OLFM1: variants seen among roughly 807,000 people sequenced by gnomAD.
OLFM1 encodes olfactomedin 1, also known as noelin.
A neutral mutation model predicts 49.7 loss-of-function variants in OLFM1; 9 were observed. That is an observed-to-expected ratio of 0.18 (90% confidence interval 0.11 to 0.32). The LOEUF (loss-of-function observed/expected upper bound fraction) is 0.32. Among genes scored for constraint, OLFM1 ranks in the 10% least tolerant of loss-of-function variants. The pLI is 1.00. For missense variants in OLFM1, 369 were observed against 661.8 expected (o/e 0.56, Z 4.85); for synonymous variants, 240 against 271.8 (o/e 0.88, Z 1.15).
chr9:135,111,939 T>A (rs925039803), intron 5 of OLFM1, among the ~76,000 whole-genome samples: 1 of 152,134 alleles, frequency 6.6e-6, no homozygotes, highest in African/African-American at 2.4e-5. Context: ...ATGATCTCCA[T>A]CTCCTGACCT....
rs528349832 is a variant in OLFM1, at chr9:135,107,444, G to A, written c.783+589G>A. On this transcript the variant is annotated intron_variant, in intron 5 of 5. Transcript: ENST00000371793. Reference sequence around the variant, plus strand: ...CATCATATTTGCCTTTATCTGGGGGGCTGGGTTTTATGTTCGAGCCCCTTT... The same window carrying A: ...CATCATATTTGCCTTTATCTGGGGGACTGGGTTTTATGTTCGAGCCCCTTT... Among the ~76,000 whole-genome samples the A allele has an allele frequency of 8.1e-4, 124 of 152,326 alleles. 1 individual carries two copies. Among genetic ancestry groups the A allele is most frequent in the African/African-American group, 2.9e-3 (120 of 41,584 alleles).
intron 5 of OLFM1, among the ~76,000 whole-genome samples, chr9:135,114,123 CTTTTTTTTTTTTT>C (rs138372395): frequency 1.3e-5 from 1 of 75,812 alleles, no homozygotes; most frequent in Non-Finnish European, 2.5e-5. Context: ...TCTTGAGATT[CTTTTTTTTTTTTT>C]TTTTTTTTTT....
chr9:135,077,378 C>CT, intron 1 of OLFM1: 1 of 983,320 alleles, frequency 1.0e-6, no homozygotes, highest in South Asian at 3.6e-5. Flanking sequence ...CCAAAAGATG[C>CT]TTTTCCTCCC....
chr9:135,091,362 G>A (rs2119104466), intron 2 of OLFM1, among the ~76,000 whole-genome samples: 1 of 152,308 alleles, frequency 6.6e-6, no homozygotes. Context: ...TTTGCATGTA[G>A]TGCCTATGGG....
upstream of OLFM1, among the ~76,000 whole-genome samples, chr9:135,086,380 T>C (rs1830596367): frequency 3.3e-5 from 5 of 152,364 alleles, no homozygotes; most frequent in South Asian, 1.0e-3. Flanking sequence ...AGGATCATCT[T>C]GGCTGCAGCT....
At position 135,119,848 on chromosome 9, in the gene OLFM1, C is replaced by T. The variant is rs759123127; in HGVS notation, c.1128C>T (p.Asn376=). 2.1e-5 allele frequency: 34 copies of T among 1,613,650 alleles called. No homozygotes were observed. Among genetic ancestry groups the T allele is most frequent in the East Asian group, 4.5e-5 (2 of 44,880 alleles). Residue 376 remains asparagine (N), a synonymous_variant, in exon 6 of 6, where the codon AAC becomes AAT. Transcript: ENST00000371793. ...ACGCCACCAACCAGAACGCTGGCAA[C>T]ATCGTGGTCAGTAGGCTGGACCCCG... ...AVYATNQNAG[N]IVVSRLDPVS... is the part of the protein sequence containing the mutation.
chr9:135,091,966 G>C (rs1165031306), intron 2 of OLFM1, among the ~76,000 whole-genome samples: 1 of 152,044 alleles, frequency 6.6e-6, no homozygotes, highest in Non-Finnish European at 1.5e-5. Flanking sequence ...TCTTCCTGCA[G>C]GTTGGCCTTG....
intron 4 of OLFM1, among the ~76,000 whole-genome samples, chr9:135,100,152 G>A (rs191382299): frequency 2.5e-4 from 38 of 152,252 alleles, no homozygotes; most frequent in Middle Eastern, 3.4e-3. Context: ...AATAGACAGG[G>A]CACATCATGG....
intron 2 of OLFM1, among the ~76,000 whole-genome samples, chr9:135,094,492 G>T (rs889009566): frequency 6.6e-6 from 1 of 151,998 alleles, no homozygotes; most frequent in South Asian, 2.1e-4. Context: ...AGTGACAGAG[G>T]AAGACAACAA....
upstream of OLFM1, chr9:135,086,536 G>A (rs1270708132): frequency 2.3e-6 from 1 of 430,702 alleles, no homozygotes; most frequent in Non-Finnish European, 4.7e-6. Flanking sequence ...ATTAATTTTC[G>A]CCCAGGCAGA....
At position 135,117,621 on chromosome 9, in the gene OLFM1, T is replaced by C. The variant is rs1831113456; in HGVS notation, c.784-1883T>C. Among the ~76,000 whole-genome samples the C allele has an allele frequency of 6.6e-6, 1 of 152,206 alleles. No individual in the cohort carries two copies. The highest frequency in any genetic ancestry group is 2.4e-5 in the African/African-American group (1 of 41,454). On this transcript the variant is annotated intron_variant, in intron 5 of 5. Coordinates refer to ENST00000371793, the MANE Select transcript of OLFM1 (RefSeq NM_001282611.2). This position sits in a 1 kb window ranked among gnomAD's most constrained non-coding sequence, Gnocchi z 5.5. ...AGGCCCCCTTCAGCCCTGGGTTCTG[T>C]ACTGAAGGAGCTCCTTTCTTGCACA...
At chr9:135,075,723 G>A in exon 1 of OLFM1, 2 of 1,601,714 alleles carry the variant, frequency 1.2e-6, no homozygotes, top group Non-Finnish European at 1.7e-6. Flanking sequence ...GGTCGTTGGA[G>A]GTGGCAGCGA....
At chr9:135,115,482 G>T (rs1283812691) in intron 5 of OLFM1, among the ~76,000 whole-genome samples, 2 of 152,366 alleles carry the variant, frequency 1.3e-5, no homozygotes, top group Middle Eastern at 3.4e-3. Flanking sequence ...TACCTGGCAG[G>T]TTCATGGCAT....
intron 1 of OLFM1, among the ~76,000 whole-genome samples, chr9:135,078,674 G>C (rs1830497232): frequency 1.3e-5 from 2 of 152,360 alleles, no homozygotes; most frequent in South Asian, 4.1e-4. Context: ...GGGTCCAGAG[G>C]CATTGATCTC....
chr9:135,099,248 C>T (rs1830839248), intron 4 of OLFM1, among the ~76,000 whole-genome samples: 1 of 152,188 alleles, frequency 6.6e-6, no homozygotes, highest in Non-Finnish European at 1.5e-5. Flanking sequence ...TCCGTCCTCA[C>T]CAAGCTGTTT....
chr9:135,103,290 G>A (rs117290733), intron 4 of OLFM1, among the ~76,000 whole-genome samples: 2,837 of 152,342 alleles, frequency 0.019, 41 homozygotes, highest in Non-Finnish European at 0.031. Context: ...TTCCACTGAG[G>A]CTCTGCCATG....
At chr9:135,119,301 GTCTTTGGAGTACTCACTGGA>G (rs1831151855) in intron 5 of OLFM1, among the ~76,000 whole-genome samples, 183 bp from the exon 6 acceptor site, 1 of 122,676 alleles carries the variant, frequency 8.2e-6, no homozygotes, top group African/African-American at 3.4e-5. Context: ...TACTCACTGG[GTCTTTGGAGTACTCACTGGA>G]TCTTTGGAAG....
intron 2 of OLFM1, among the ~76,000 whole-genome samples, chr9:135,091,583 AC>A (rs1830692130): frequency 1.3e-5 from 2 of 149,092 alleles, no homozygotes; most frequent in Non-Finnish European, 3.0e-5. Flanking sequence ...ACAGTCACAC[AC>A]TCACAGTCAC....
intron 5 of OLFM1, among the ~76,000 whole-genome samples, chr9:135,119,055 T>G (rs117264967): frequency 2.5e-3 from 282 of 112,788 alleles, no homozygotes; most frequent in Non-Finnish European, 4.3e-3. Flanking sequence ...AAGTGCTCAC[T>G]GGATCTTTGG....
Sources: allele counts gnomAD v4.1 joint callset (sites outside exome capture counted in the v4.1 genomes callset), GRCh38; gene constraint gnomAD v4.1.1; non-coding constraint Gnocchi (gnomAD v3.1); transcripts MANE v1.5; gene names NCBI Gene and HGNC (gene_info 2026-07-23, HGNC 2026-07-21).